Variants in GLIS3 observed in about 807,000 individuals in gnomAD.
The protein encoded by GLIS3 is zinc finger protein GLIS3.
A neutral mutation model predicts 78.6 loss-of-function variants in GLIS3; 53 were observed. That is an observed-to-expected ratio of 0.67 (90% confidence interval 0.54 to 0.85). The LOEUF (loss-of-function observed/expected upper bound fraction) is 0.85. Among genes scored for constraint, GLIS3 ranks in the 40% least tolerant of loss-of-function variants. GLIS3 has a pLI of 0.00. For synonymous variants in GLIS3, 684 were observed against 509.9 expected, an observed-to-expected ratio of 1.34 and a Z score of -4.60; for missense variants, 1,703 against 1,231.1, an observed-to-expected ratio of 1.38 and a Z score of -5.74.
chr9:4,397,675 AGG>A, the GLIS3 span, among the ~76,000 whole-genome samples: 39 of 4,988 alleles, frequency 7.8e-3, no homozygotes, highest in Non-Finnish European at 6.9e-3. Flanking sequence ...GAAGGGAGGG[AGG>A]AAGGGAGGGA....
intron 2 of GLIS3, among the ~76,000 whole-genome samples, chr9:4,162,118 A>G (rs1336128211): frequency 6.6e-5 from 10 of 151,814 alleles, no homozygotes; most frequent in Non-Finnish European, 1.2e-4. Flanking sequence ...CAGTTTATAG[A>G]TATGTGATCT....
chr9:4,101,652 G>C (rs1830380848), intron 4 of GLIS3, among the ~76,000 whole-genome samples: 1 of 152,120 alleles, frequency 6.6e-6, no homozygotes, highest in Non-Finnish European at 1.5e-5. Context: ...TTAAGATTCA[G>C]AAAGCTGTTT....
chr9:4,415,649 G>T, the GLIS3 span, among the ~76,000 whole-genome samples: 11 of 152,238 alleles, frequency 7.2e-5, no homozygotes, highest in African/African-American at 2.6e-4. Context: ...AAGAAACAGT[G>T]CAAATGTGAC....
chr9:4,438,237 A>T, the GLIS3 span, among the ~76,000 whole-genome samples: 91 of 152,324 alleles, frequency 6.0e-4, 1 homozygote, highest in African/African-American at 1.9e-3. Flanking sequence ...AAAGTAATGA[A>T]TGTTCAGGTA....
intron 2 of GLIS3, among the ~76,000 whole-genome samples, chr9:4,191,432 C>T (rs1308539794): frequency 6.6e-6 from 1 of 152,182 alleles, no homozygotes; most frequent in Non-Finnish European, 1.5e-5. Flanking sequence ...ATAAATACCT[C>T]ATCTGCAAGA....
rs1827060200 is a variant in GLIS3, at chr9:4,065,971, A to AGGT, written c.1710+51794_1710+51796dup. On this transcript the variant is annotated intron_variant, in intron 4 of 10. Transcript: ENST00000381971. ...AAAAATATGAGACTTCCTGGTGAAA[A>AGGT]GGTGGTATAACCATAAATATATCGC... Among the ~76,000 whole-genome samples, 16 of 151,694 alleles carry AGGT rather than the reference A, an allele frequency of 1.1e-4. 1 individual carries two copies. In the South Asian group the frequency reaches 3.3e-3, roughly 32 times the overall value.
chr9:4,332,641 TC>T (rs370777339), intron 2 of GLIS3, among the ~76,000 whole-genome samples: 1 of 152,334 alleles, frequency 6.6e-6, no homozygotes, highest in East Asian at 1.9e-4. Context: ...GTATACTCAC[TC>T]TAAACTACCA....
chr9:4,268,500 T>C (rs921134467), intron 2 of GLIS3, among the ~76,000 whole-genome samples: 3 of 152,322 alleles, frequency 2.0e-5, no homozygotes, highest in East Asian at 3.9e-4. Flanking sequence ...TCATTTGATA[T>C]AGAGCGTTCT....
intron 4 of GLIS3, among the ~76,000 whole-genome samples, chr9:4,000,980 CTTTGCCTGTGAGA>C (rs770831214): frequency 2.9e-4 from 44 of 152,170 alleles, no homozygotes; most frequent in Non-Finnish European, 5.3e-4. Flanking sequence ...GTCTCCCCTC[CTTTGCCTGTGAGA>C]TTTTTGTAGC....
At chr9:4,137,027 C>A (rs913836488) in intron 2 of GLIS3, among the ~76,000 whole-genome samples, 3 of 152,108 alleles carry the variant, frequency 2.0e-5, no homozygotes, top group Admixed American at 2.0e-4. Context: ...CAAGATTAAT[C>A]TGGAAGAGAT....
chr9:4,238,363 G>C (rs1053308361), intron 2 of GLIS3, among the ~76,000 whole-genome samples: 1 of 152,132 alleles, frequency 6.6e-6, no homozygotes, highest in Non-Finnish European at 1.5e-5. Context: ...GAATATGACC[G>C]TGAATATACT....
At chr9:4,457,977 G>T in the GLIS3 span, among the ~76,000 whole-genome samples, 3 of 151,990 alleles carry the variant, frequency 2.0e-5, no homozygotes, top group Non-Finnish European at 4.4e-5. Flanking sequence ...GACCACGTTA[G>T]TTTCACAAAC....
chr9:4,071,574 A>G (rs1013490330), intron 4 of GLIS3, among the ~76,000 whole-genome samples: 13 of 152,218 alleles, frequency 8.5e-5, no homozygotes, highest in African/African-American at 2.9e-4. Flanking sequence ...TTTTAAAAGG[A>G]GTGCATGAAT....
chr9:4,249,218 G>A (rs1221306470), intron 2 of GLIS3, among the ~76,000 whole-genome samples: 1 of 152,128 alleles, frequency 6.6e-6, no homozygotes, highest in Non-Finnish European at 1.5e-5. Context: ...TGGGTAGTAT[G>A]GCCATCTTCA....
At chr9:4,003,608 G>C (rs1588432556) in intron 4 of GLIS3, among the ~76,000 whole-genome samples, 2 of 152,170 alleles carry the variant, frequency 1.3e-5, no homozygotes, top group African/African-American at 4.8e-5. Context: ...TCAATGTTTT[G>C]AGTGTCTCTA....
chr9:4,400,315 C>G, the GLIS3 span, among the ~76,000 whole-genome samples: 1 of 152,166 alleles, frequency 6.6e-6, no homozygotes, highest in East Asian at 1.9e-4. Flanking sequence ...GTGACCTGAA[C>G]TGGGATAAAA....
chr9:4,085,669 C>T (rs920523803), intron 4 of GLIS3, among the ~76,000 whole-genome samples: 4 of 152,140 alleles, frequency 2.6e-5, no homozygotes, highest in Admixed American at 1.3e-4. Context: ...AGCTTTATCA[C>T]GGGGGCGGAT....
intron 4 of GLIS3, among the ~76,000 whole-genome samples, chr9:4,050,149 G>A (rs4428716): frequency 0.46 from 69,493 of 151,130 alleles, 18,520 homozygotes; most frequent in East Asian, 0.74. Context: ...ACATGCACAC[G>A]TATGTTTATT....
chr9:4,460,826 T>C, the GLIS3 span, among the ~76,000 whole-genome samples: 5 of 152,244 alleles, frequency 3.3e-5, no homozygotes, highest in African/African-American at 1.2e-4. Context: ...AAATCTGGAG[T>C]GTTTTTAATA....
Sources: gnomAD v4.1 joint callset for allele counts (sites outside exome capture counted in the v4.1 genomes callset) on GRCh38, gnomAD v4.1.1 for gene constraint, MANE v1.5 for transcripts, NCBI Gene and HGNC (gene_info 2026-07-23, HGNC 2026-07-21) for gene names.